TCF25: variants seen among roughly 807,000 people sequenced by gnomAD.
The protein encoded by TCF25 is ribosome quality control complex subunit TCF25.
TCF25 carries 41 observed loss-of-function variants against 83.1 expected under a neutral mutation model. That is an observed-to-expected ratio of 0.49 (90% CI 0.38 to 0.64). The LOEUF (loss-of-function observed/expected upper bound fraction) is 0.64. TCF25 is among the 30% of genes least tolerant of loss of function. The probability of loss-of-function intolerance (pLI) is 0.00; values close to 1 mark genes in which losing one functional copy is unlikely to be tolerated. For missense variants in TCF25, 979 were observed against 914.5 expected (o/e 1.07, Z -0.91); for synonymous variants, 458 against 365.0 (o/e 1.25, Z -2.90).
chr16:89,907,362 C>A (rs1567740683), intron 16 of TCF25, 40 bp downstream of exon 16: 10 of 1,373,886 alleles, frequency 7.3e-6, no homozygotes, highest in East Asian at 5.0e-5. Flanking sequence ...CAGCTCCCAC[C>A]TCCCTCCTCC....
intron 1 of TCF25, among the ~76,000 whole-genome samples, chr16:89,877,099 C>G (rs1369306825): frequency 7.0e-6 from 1 of 143,256 alleles, no homozygotes; most frequent in Non-Finnish European, 1.5e-5. Context: ...GAGACTCTGT[C>G]TCAAAAAAAT....
intron 12 of TCF25, among the ~76,000 whole-genome samples, chr16:89,902,407 C>CTCCGAG (rs1567730548): frequency 2.0e-5 from 1 of 49,114 alleles, no homozygotes; most frequent in Non-Finnish European, 3.8e-5. Flanking sequence ...GACGGGCCTC[C>CTCCGAG]GGCCGGGCGC....
chr16:89,904,279 T>A (rs781297171), intron 13 of TCF25, 74 bp downstream of exon 13: 6 of 1,473,248 alleles, frequency 4.1e-6, no homozygotes, highest in Non-Finnish European at 4.6e-6. Context: ...TCACTCATCC[T>A]GAGAGGCCCT....
At chr16:89,884,868 C>G (rs187124077) in intron 3 of TCF25, among the ~76,000 whole-genome samples, 1 of 92,714 alleles carries the variant, frequency 1.1e-5, no homozygotes, top group African/African-American at 6.5e-5. Flanking sequence ...CGCCCTCTCC[C>G]TCTGCCTGAC....
chr16:89,886,817 A>G (rs952574472), intron 4 of TCF25, among the ~76,000 whole-genome samples: 2 of 151,712 alleles, frequency 1.3e-5, no homozygotes, highest in African/African-American at 4.8e-5. Flanking sequence ...GGTGCCTGTA[A>G]TCCCAGCCAC....
At chr16:89,878,141 A>T (rs763217692) in intron 1 of TCF25, among the ~76,000 whole-genome samples, 1 of 152,026 alleles carries the variant, frequency 6.6e-6, no homozygotes, top group African/African-American at 2.4e-5. Flanking sequence ...CTGTCCAAGT[A>T]TAGTGGCACT....
chr16:89,891,369 C>CA (rs2043413978), intron 5 of TCF25, among the ~76,000 whole-genome samples: 1 of 152,224 alleles, frequency 6.6e-6, no homozygotes. Context: ...GAGGGCCCAC[C>CA]ACACTGGCCT....
At chr16:89,908,613 C>T (rs368264289) in intron 16 of TCF25, among the ~76,000 whole-genome samples, 148 of 54,192 alleles carry the variant, frequency 2.7e-3, no homozygotes, top group Middle Eastern at 0.012. Flanking sequence ...CTCCTCCCAG[C>T]TCCCACCTCC....
At chr16:89,900,052 T>A (rs2044190032) in intron 11 of TCF25, among the ~76,000 whole-genome samples, 1 of 152,054 alleles carries the variant, frequency 6.6e-6, no homozygotes, top group Non-Finnish European at 1.5e-5. Flanking sequence ...CCTCAGGGAG[T>A]CCCCCAAAAT....
intron 16 of TCF25, among the ~76,000 whole-genome samples, chr16:89,908,634 C>T (rs2045246017): frequency 6.8e-5 from 6 of 88,300 alleles, no homozygotes; most frequent in Non-Finnish European, 9.1e-5. Flanking sequence ...CAGCTCCCAC[C>T]TCCCACCTCC....
chr16:89,901,270 G>C (rs986975860), intron 12 of TCF25, among the ~76,000 whole-genome samples: 10 of 152,282 alleles, frequency 6.6e-5, no homozygotes, highest in African/African-American at 2.4e-4. Context: ...ACGCACATGT[G>C]GCGGGCACAG....
chr16:89,874,682 T>C (rs1241845140), intron 1 of TCF25: 1 of 152,264 alleles, frequency 6.6e-6, no homozygotes, highest in Admixed American at 6.5e-5. Context: ...CTGGCCTCCG[T>C]CTGTAACTCT....
At chr16:89,908,189 CCCT>C (rs2045124630) in intron 16 of TCF25, among the ~76,000 whole-genome samples, 1 of 143,458 alleles carries the variant, frequency 7.0e-6, no homozygotes, top group Non-Finnish European at 1.5e-5. Context: ...GCTCCCGCCT[CCCT>C]CCTCCAAGTT....
intron 1 of TCF25, among the ~76,000 whole-genome samples, chr16:89,880,013 G>T (rs2042486629): frequency 6.7e-6 from 1 of 149,804 alleles, no homozygotes; most frequent in African/African-American, 2.5e-5. Context: ...ACACAGGCAG[G>T]CTCCTGAGCC....
chr16:89,873,891 G>A, intron 1 of TCF25, 32 bp downstream of exon 1: 2 of 1,492,572 alleles, frequency 1.3e-6, no homozygotes, highest in Non-Finnish European at 1.8e-6. Context: ...GTGGGGGTGG[G>A]GTGGCCCTTG....
At chr16:89,902,821 A>G (rs1228442538) in intron 12 of TCF25, among the ~76,000 whole-genome samples, 1 of 152,104 alleles carries the variant, frequency 6.6e-6, no homozygotes, top group Non-Finnish European at 1.5e-5. Flanking sequence ...CAGCTAGTAT[A>G]CACACATTAC....
chr16:89,908,797 C>T (rs576229273), intron 16 of TCF25, among the ~76,000 whole-genome samples: 1 of 140,226 alleles, frequency 7.1e-6, no homozygotes, highest in Non-Finnish European at 1.5e-5. Flanking sequence ...GTTTCCACCT[C>T]CCAGCTCCCA....
At position 89,892,289 on chromosome 16, in the gene TCF25, G is replaced by C. The variant is rs1388974329; in HGVS notation, c.697+14G>C. On this transcript the variant is annotated intron_variant, in intron 6 of 17. Transcript: ENST00000263346. ...ACAGCAAACCAGGTGAGGGTCTGCA[G>C]ATGCTGCTGGGGATGGAGGGTTGGG... is the stretch of plus-strand genomic sequence containing the variant. 1 of 1,605,810 alleles carries C rather than the reference G, an allele frequency of 6.2e-7. No homozygotes were observed. The highest frequency in any genetic ancestry group is 8.5e-7 in the Non-Finnish European group (1 of 1,176,540).
chr16:89,896,532 T>C (rs1432444533), intron 9 of TCF25, among the ~76,000 whole-genome samples: 1 of 150,132 alleles, frequency 6.7e-6, no homozygotes, highest in African/African-American at 2.5e-5. Context: ...CGTGGCAACA[T>C]GCAGTCTCAA....
Sources: gnomAD v4.1 joint callset for allele counts (sites outside exome capture counted in the v4.1 genomes callset) on GRCh38, gnomAD v4.1.1 for gene constraint, MANE v1.5 for transcripts, NCBI Gene and HGNC (gene_info 2026-07-23, HGNC 2026-07-21) for gene names.